LRP1B: variants seen among roughly 807,000 people sequenced by gnomAD.
The protein encoded by LRP1B is LDL receptor related protein 1B, also known as low-density lipoprotein receptor-related protein 1B.
LRP1B carries 217 observed loss-of-function variants against 556.6 expected under a neutral mutation model. The ratio of observed to expected loss-of-function variants is 0.39; its 90% CI spans 0.35 to 0.44. The LOEUF is 0.44. Among genes scored for constraint, LRP1B ranks in the 20% least tolerant of loss-of-function variants. LRP1B has a pLI of 1.00. For missense variants in LRP1B, 5,053 were observed against 5,620.8 expected (o/e 0.90, Z 3.23); for synonymous variants, 2,047 against 1,865.8 (o/e 1.10, Z -2.50).
In LRP1B at chr2:141,389,452, C is replaced by T. The variant is rs115839617; in HGVS notation, c.343+90944G>A. ...ATGAAGTTAGGCTCCTATTTCACAC[C>T]ATACGCAAAAATTAACTCAAAGTGA... is the stretch of plus-strand genomic sequence containing the variant. On this transcript the variant is annotated intron_variant, in intron 3 of 90. Coordinates refer to ENST00000389484, the MANE Select transcript of LRP1B (RefSeq NM_018557.3). Among the ~76,000 whole-genome samples, 1,261 of 152,124 alleles carry T rather than the reference C, an allele frequency of 8.3e-3. 19 individuals are homozygous for T. Among genetic ancestry groups the T allele is most frequent in the African/African-American group, 0.028 (1,166 of 41,502 alleles).
chr2:141,404,944 T>A (rs62167974), intron 3 of LRP1B, among the ~76,000 whole-genome samples: 48,296 of 151,740 alleles, frequency 0.32, 9,644 homozygotes, highest in Non-Finnish European at 0.45. Context: ...GAAGAATAGT[T>A]AGCTGGGTGT....
In LRP1B at chr2:141,981,033, G is replaced by T. The variant is rs182108732; in HGVS notation, c.82+149615C>A. ...CAAATATTTTATAAAATAAAAGTTG[G>T]AAATATCTATTATGGGTCTCAGCTC... On this transcript the variant is annotated intron_variant, in intron 1 of 90. Transcript: ENST00000389484. 3.2e-3 allele frequency among the ~76,000 whole-genome samples: 482 copies of T among 152,110 alleles called. 2 individuals carry two copies. The highest frequency in any genetic ancestry group is 0.011 in the African/African-American group (457 of 41,520).
In LRP1B at chr2:140,283,722, A is replaced by G. The variant is rs144094065; in HGVS notation, c.12968-9124T>C. Among the ~76,000 whole-genome samples, 1,083 of 151,890 alleles carry G rather than the reference A, an allele frequency of 7.1e-3. 12 individuals carry two copies. The highest frequency in any genetic ancestry group is 0.023 in the African/African-American group (954 of 41,512). On this transcript the variant is annotated intron_variant, in intron 84 of 90. Coordinates refer to ENST00000389484, the MANE Select transcript of LRP1B (RefSeq NM_018557.3). Reference sequence around the variant, plus strand: ...AATGCATATTAACAATGATGGCATCAATAGTTTTCAAAATAGTCAAAAATC... The same window carrying G: ...AATGCATATTAACAATGATGGCATCGATAGTTTTCAAAATAGTCAAAAATC...
At chr2:141,398,840 A>G (rs1281050505) in intron 3 of LRP1B, among the ~76,000 whole-genome samples, 1 of 152,198 alleles carries the variant, frequency 6.6e-6, no homozygotes, top group Admixed American at 6.5e-5. Context: ...GTTGGATAGG[A>G]GACTGGCCTT....
At chr2:141,149,243 A>G (rs1177267059) in intron 7 of LRP1B, among the ~76,000 whole-genome samples, 1 of 150,098 alleles carries the variant, frequency 6.7e-6, no homozygotes, top group African/African-American at 2.5e-5. Context: ...TTGTTTTACT[A>G]TTGTTAGGCT....
chr2:141,047,047 A>ACTCCAGCCTGGG (rs1553451699), intron 11 of LRP1B, among the ~76,000 whole-genome samples: 3 of 140,962 alleles, frequency 2.1e-5, no homozygotes, highest in Admixed American at 7.2e-5. Flanking sequence ...GCAGCACTGC[A>ACTCCAGCCTGGG]CAAAAATTAA....
At chr2:140,910,522 C>T (rs1376491342) in intron 21 of LRP1B, among the ~76,000 whole-genome samples, 1 of 151,688 alleles carries the variant, frequency 6.6e-6, no homozygotes, top group Admixed American at 6.6e-5. Flanking sequence ...GACAAAGTCA[C>T]TGGACAGTCA....
At chr2:142,113,291 G>A (rs1002697329) in intron 1 of LRP1B, among the ~76,000 whole-genome samples, 1 of 151,996 alleles carries the variant, frequency 6.6e-6, no homozygotes, top group Non-Finnish European at 1.5e-5. Context: ...CAATATGGGT[G>A]TTACATTACT....
chr2:141,829,026 CA>C (rs1443220426), intron 1 of LRP1B, among the ~76,000 whole-genome samples: 1 of 151,778 alleles, frequency 6.6e-6, no homozygotes, highest in Non-Finnish European at 1.5e-5. Context: ...ATAATTTTTG[CA>C]AAAACTGTAG....
chr2:140,424,468 A>G (rs577790547), intron 66 of LRP1B, among the ~76,000 whole-genome samples: 1 of 152,302 alleles, frequency 6.6e-6, no homozygotes, highest in South Asian at 2.1e-4. Context: ...TTTCCAGTAA[A>G]CCTCACCATG....
At chr2:141,668,389 T>G (rs1007839555) in intron 2 of LRP1B, among the ~76,000 whole-genome samples, 1 of 152,152 alleles carries the variant, frequency 6.6e-6, no homozygotes, top group African/African-American at 2.4e-5. Context: ...GGCCAAATGT[T>G]GCCTTTTGGC....
rs1394879763 is a variant in LRP1B, at chr2:140,767,560, C to A, written c.5758+1653G>T. Among the ~76,000 whole-genome samples, 12 of 151,846 alleles carry A rather than the reference C, an allele frequency of 7.9e-5. No homozygotes were observed. The East Asian group carries it at 1.9e-3, about 25-fold the overall frequency. ...AGTGAATTTAACTCATTCAGATGAT[C>A]TATTTACCCTTAAAAAGCAAAAGAT... On this transcript the variant is annotated intron_variant, in intron 35 of 90. Transcript: ENST00000389484.
rs555523355 is a variant in LRP1B, at chr2:140,938,865, C to T, written c.3136+11370G>A. ...AAAAATTTAAAATTTTTCTATCTTT[C>T]GGAAATTCACTATTTATTGGGCAAA... On this transcript the variant is annotated intron_variant, in intron 20 of 90. Coordinates refer to ENST00000389484, the MANE Select transcript of LRP1B (RefSeq NM_018557.3). Among the ~76,000 whole-genome samples the T allele has an allele frequency of 1.5e-4, 23 of 151,944 alleles. No homozygotes were observed. In the South Asian group the frequency reaches 2.7e-3, roughly 18 times the overall value.
chr2:140,607,462 G>A (rs562995926), intron 41 of LRP1B, among the ~76,000 whole-genome samples: 1 of 152,086 alleles, frequency 6.6e-6, no homozygotes, highest in African/African-American at 2.4e-5. Flanking sequence ...ATACACAAAT[G>A]TTCAACAAAT....
intron 43 of LRP1B, among the ~76,000 whole-genome samples, chr2:140,558,152 TA>T (rs1454852160): frequency 6.6e-6 from 1 of 152,144 alleles, no homozygotes; most frequent in African/African-American, 2.4e-5. Flanking sequence ...AGAATTCTCC[TA>T]CAGTGCTGGA....
chr2:141,302,328 T>A (rs1381484333), intron 3 of LRP1B, among the ~76,000 whole-genome samples: 4 of 152,130 alleles, frequency 2.6e-5, no homozygotes, highest in Non-Finnish European at 5.9e-5. Flanking sequence ...GCAAAGCCAG[T>A]ACATTATGCT....
At chr2:141,733,986 A>C (rs1431086592) in intron 2 of LRP1B, among the ~76,000 whole-genome samples, 1 of 152,112 alleles carries the variant, frequency 6.6e-6, no homozygotes, top group Non-Finnish European at 1.5e-5. Flanking sequence ...TTTAGTGACT[A>C]TGTCTTCTTC....
chr2:141,671,607 CTAAT>C (rs1253161284), intron 2 of LRP1B, among the ~76,000 whole-genome samples: 1 of 152,114 alleles, frequency 6.6e-6, no homozygotes, highest in East Asian at 1.9e-4. Flanking sequence ...TAAGGTACAA[CTAAT>C]TAACATCAAC....
chr2:140,879,907 C>G (rs942293550), intron 25 of LRP1B, among the ~76,000 whole-genome samples: 1 of 150,902 alleles, frequency 6.6e-6, no homozygotes, highest in Non-Finnish European at 1.5e-5. Flanking sequence ...CTGTTATCAC[C>G]TATCAGATCA....
Sources: allele counts gnomAD v4.1 joint callset (sites outside exome capture counted in the v4.1 genomes callset), GRCh38; gene constraint gnomAD v4.1.1; transcripts MANE v1.5; gene names NCBI Gene and HGNC (gene_info 2026-07-23, HGNC 2026-07-21).